The following FAP variants were observed in gnomAD, a reference collection of about 807,000 sequenced individuals.
The protein encoded by FAP is fibroblast activation protein alpha, also known as prolyl endopeptidase FAP.
A neutral mutation model predicts 126.5 loss-of-function variants in FAP; 110 were observed. The observed-to-expected ratio is 0.87, with a 90% CI of 0.74 to 1.02. The LOEUF (loss-of-function observed/expected upper bound fraction) is 1.02. Ranked by LOEUF, FAP falls within the 50% of genes least tolerant of loss-of-function variation. The pLI is 0.00. For synonymous variants in FAP, 334 were observed against 297.3 expected (o/e 1.12, Z -1.27); for missense variants, 919 against 909.2 (o/e 1.01, Z -0.14).
chr2:162,192,603 T>C (rs186316433), intron 17 of FAP, among the ~76,000 whole-genome samples: 174 of 152,228 alleles, frequency 1.1e-3, no homozygotes, highest in Non-Finnish European at 1.9e-3. Flanking sequence ...ACATGCTCCA[T>C]AAATTAATGA....
chr2:162,188,154 T>G lies in FAP; in HGVS notation c.1814+15A>C. Reference sequence around the variant, plus strand: ...TGTTGCATGTTGACATCTGCTTGAATGAGAAGGTGCTCACCTGACAGCTGT... The same window carrying G: ...TGTTGCATGTTGACATCTGCTTGAAGGAGAAGGTGCTCACCTGACAGCTGT... On this transcript the variant is annotated intron_variant, in intron 20 of 25. Coordinates refer to ENST00000188790, the MANE Select transcript of FAP (RefSeq NM_004460.5). The G allele has an allele frequency of 4.4e-6, 7 of 1,603,554 alleles. No individual in the cohort carries two copies. The highest frequency in any genetic ancestry group is 2.2e-5 in the East Asian group (1 of 44,744).
intron 16 of FAP, among the ~76,000 whole-genome samples, chr2:162,195,338 A>G (rs1341230574): frequency 6.6e-6 from 1 of 151,798 alleles, no homozygotes; most frequent in Non-Finnish European, 1.5e-5. Context: ...GGGGAAAGGG[A>G]GGAAGAATAG....
At position 162,202,905 on chromosome 2, in the gene FAP, G is replaced by A; in HGVS notation, c.1190C>T (p.Ala397Val). Residue 397 changes from alanine to valine, a missense_variant, in exon 14 of 26, where the codon GCC becomes GTC. Physicochemically the swap from Ala to Val is moderately conservative, Grantham distance 64. Transcript: ENST00000188790. ...AIQITSGKWE[A>V]INIFRVTQDS... Reference sequence around the variant, plus strand: ...CTGTGTTACTCTGAATATATTTATGGCCTCCCACTTGCCACTTGTAATTTG... The same window carrying A: ...CTGTGTTACTCTGAATATATTTATGACCTCCCACTTGCCACTTGTAATTTG... 1 of 1,613,612 alleles carries A rather than the reference G, an allele frequency of 6.2e-7. No homozygotes were observed. The highest frequency in any genetic ancestry group is 8.5e-7 in the Non-Finnish European group (1 of 1,179,620).
intron 6 of FAP, among the ~76,000 whole-genome samples, chr2:162,220,321 C>T (rs901364243): frequency 7.2e-5 from 11 of 152,156 alleles, no homozygotes; most frequent in African/African-American, 2.7e-4. Context: ...TCTTGGCAGA[C>T]CTTGAATTAA....
chr2:162,232,196 G>A (rs1689928017), intron 2 of FAP, among the ~76,000 whole-genome samples: 1 of 152,122 alleles, frequency 6.6e-6, no homozygotes, highest in Admixed American at 6.6e-5. Context: ...GTAATAGAAA[G>A]TGTTATAATT....
At chr2:162,203,594 T>C (rs1388060824) in intron 12 of FAP, among the ~76,000 whole-genome samples, 2 of 152,164 alleles carry the variant, frequency 1.3e-5, no homozygotes, top group Non-Finnish European at 2.9e-5. Context: ...AATGAAGACA[T>C]TTAAAAGATG....
intron 17 of FAP, among the ~76,000 whole-genome samples, chr2:162,191,099 C>T (rs1055671507): frequency 6.6e-6 from 1 of 152,008 alleles, no homozygotes; most frequent in Non-Finnish European, 1.5e-5. Flanking sequence ...GAGCTGCCAT[C>T]GATAAAGAGA....
intron 25 of FAP, chr2:162,171,767 CTT>C (rs1687312295): frequency 6.6e-6 from 1 of 151,794 alleles, no homozygotes; most frequent in Non-Finnish European, 1.5e-5. Context: ...TCACCTCCCT[CTT>C]TGTATATTTT....
At chr2:162,193,039 G>A (rs930773314) in intron 17 of FAP, among the ~76,000 whole-genome samples, 2 of 152,084 alleles carry the variant, frequency 1.3e-5, no homozygotes, top group East Asian at 1.9e-4. Flanking sequence ...CAAGGACATC[G>A]TCTAACCCAG....
At chr2:162,197,687 G>A (rs1688306681) in intron 16 of FAP, 1 of 456,244 alleles carries the variant, frequency 2.2e-6, no homozygotes, top group Non-Finnish European at 4.4e-6. Flanking sequence ...GAAGTGGCAT[G>A]TTAGGGTAGC....
chr2:162,171,345 G>A (rs1233899130), intron 25 of FAP: 2 of 297,730 alleles, frequency 6.7e-6, no homozygotes, highest in East Asian at 1.2e-4. Context: ...TGGAAGATCA[G>A]GATCAGGCAT....
chr2:162,209,877 T>A (rs368889303), intron 12 of FAP, 75 bp downstream of exon 12: 1 of 1,342,834 alleles, frequency 7.4e-7, no homozygotes, highest in Non-Finnish European at 1.1e-6. Flanking sequence ...TTTGGGTACA[T>A]TGCAAATAGT....
chr2:162,213,272 A>G (rs1262402592), intron 11 of FAP, among the ~76,000 whole-genome samples: 1 of 151,944 alleles, frequency 6.6e-6, no homozygotes, highest in East Asian at 1.9e-4. Flanking sequence ...GCTACTCAGG[A>G]GACTGAGGCA....
At chr2:162,198,242 A>T in intron 16 of FAP, 1 of 1,289,874 alleles carries the variant, frequency 7.8e-7, no homozygotes, top group Non-Finnish European at 1.0e-6. Context: ...CTACAGTTTG[A>T]GGAATGATTG....
intron 15 of FAP, among the ~76,000 whole-genome samples, chr2:162,199,675 G>A (rs973230192): frequency 1.3e-5 from 2 of 152,218 alleles, no homozygotes; most frequent in African/African-American, 4.8e-5. Context: ...GCCAACCTGT[G>A]AGTTTCTTCT....
rs1228796587 is a variant in FAP at position 162,226,552 on chromosome 2, T to C, written c.161A>G (p.Tyr54Cys). Reference sequence around the variant, plus strand: ...AATCCAGTTTGGAAAAAATGTTTTATAAGAAAATGTTCCATTTAAAATATC... The same window carrying C: ...AATCCAGTTTGGAAAAAATGTTTTACAAGAAAATGTTCCATTTAAAATATC... ...LKDILNGTFS[Y>C]KTFFPNWISG... Residue 54 changes from tyrosine to cysteine, a missense_variant, in exon 3 of 26, where the codon TAT becomes TGT. Tyr to Cys is a radical substitution (Grantham distance 194). Coordinates refer to ENST00000188790, the MANE Select transcript of FAP (RefSeq NM_004460.5). 4 of 1,587,732 alleles carry C rather than the reference T, an allele frequency of 2.5e-6. No individual in the cohort carries two copies. Among genetic ancestry groups the C allele is most frequent in the Non-Finnish European group, 3.4e-6 (4 of 1,162,904 alleles).
chr2:162,238,992 T>A (rs75587892), intron 2 of FAP, among the ~76,000 whole-genome samples: 4,952 of 152,280 alleles, frequency 0.033, 293 homozygotes, highest in African/African-American at 0.11. Flanking sequence ...AGCTAAATAA[T>A]CACTACATAT....
intron 21 of FAP, among the ~76,000 whole-genome samples, chr2:162,179,274 TC>T: frequency 6.7e-6 from 1 of 150,234 alleles, no homozygotes; most frequent in Non-Finnish European, 1.5e-5. Flanking sequence ...TGCTAGTCTT[TC>T]TAGAGCCTAT....
At chr2:162,202,977 G>A (rs746273580) in intron 13 of FAP, 35 bp from the exon 14 acceptor site, 6 of 1,603,996 alleles carry the variant, frequency 3.7e-6, no homozygotes, top group South Asian at 3.3e-5. Context: ...GTGTGAAACT[G>A]AGCGTTATTT....
Sources: allele counts gnomAD v4.1 joint callset (sites outside exome capture counted in the v4.1 genomes callset), GRCh38; gene constraint gnomAD v4.1.1; transcripts MANE v1.5; gene names NCBI Gene and HGNC (gene_info 2026-07-23, HGNC 2026-07-21).